Variants in ZNF684 observed in about 807,000 individuals in gnomAD.
ZNF684 encodes the protein hypothetical protein MGC27466.
In ZNF684, 13 loss-of-function variants were observed where a neutral mutation model predicts 12.8. That is an observed-to-expected ratio of 1.02 (90% CI 0.66 to 1.62). The LOEUF (loss-of-function observed/expected upper bound fraction) is 1.62. Among genes scored for constraint, ZNF684 ranks in the 40% most tolerant of loss-of-function variants. The pLI, the probability that ZNF684 is intolerant of heterozygous loss-of-function variation, is 0.00. For missense variants in ZNF684, 384 were observed against 446.9 expected (o/e 0.86, Z 1.27); for synonymous variants, 118 against 151.8 (o/e 0.78, Z 1.64).
chr1:40,533,111 T>G (rs1645966247), intron 1 of ZNF684, 32 bp from the exon 2 acceptor site: 1 of 1,594,734 alleles, frequency 6.3e-7, no homozygotes, highest in Non-Finnish European at 8.6e-7. Flanking sequence ...TCTCAGGTCT[T>G]TCTATTCTCT....
chr1:40,534,658 A>C (rs1259636424), intron 2 of ZNF684, among the ~76,000 whole-genome samples: 3 of 151,066 alleles, frequency 2.0e-5, no homozygotes. Context: ...CCTTTTTTTC[A>C]TTATCTCTTC....
chr1:40,535,136 T>G (rs2124506704), intron 2 of ZNF684, among the ~76,000 whole-genome samples: 1 of 152,336 alleles, frequency 6.6e-6, no homozygotes, highest in South Asian at 2.1e-4. Flanking sequence ...TCCTGCCCAA[T>G]ATTTATACCT....
rs375820217 is a variant in ZNF684 at position 40,541,732 on chromosome 1, G to A, written c.238+22G>A. Reference sequence around the variant, plus strand: ...CCAGGTGAGTGAGAGAAATTCAGATGGGGCTGTGTGGAGTTGAGATCCCCA... The same window carrying A: ...CCAGGTGAGTGAGAGAAATTCAGATAGGGCTGTGTGGAGTTGAGATCCCCA... On this transcript the variant is annotated intron_variant, in intron 4 of 4. Transcript: ENST00000372699. 4 of 1,592,010 alleles carry A rather than the reference G, an allele frequency of 2.5e-6. No homozygotes were observed. The African/African-American group carries it at 5.4e-5, about 21-fold the overall frequency.
At position 40,541,030 on chromosome 1, in the gene ZNF684, C is replaced by CAAA. The variant is rs57200329; in HGVS notation, c.142+337_142+339dup. Among the ~76,000 whole-genome samples the CAAA allele has an allele frequency of 4.2e-3, 332 of 79,358 alleles. 3 individuals are homozygous for CAAA. The highest frequency in any genetic ancestry group is 0.012 in the African/African-American group (298 of 24,542). The allele number at this position is 79,358 out of a possible 152,430, so 52.1% of individuals were successfully genotyped here. On this transcript the variant is annotated intron_variant, in intron 3 of 4. Transcript: ENST00000372699. ...TGGGTGACAGAGTGAGACCCTATCT[C>CAAA]AAAAAAAAAAAAAAAAAAAAATCGT... is the stretch of plus-strand genomic sequence containing the variant.
In ZNF684 at chr1:40,547,115, T is replaced by A; in HGVS notation, c.792T>A (p.Ser264=). 1 of 1,614,218 alleles carries A rather than the reference T, an allele frequency of 6.2e-7. No individual in the cohort carries two copies. Among genetic ancestry groups the A allele is most frequent in the African/African-American group, 1.3e-5 (1 of 75,050 alleles). Residue 264 remains serine (S), a synonymous_variant, in exon 5 of 5, where the codon TCT becomes TCA. Coordinates refer to ENST00000372699, the MANE Select transcript of ZNF684 (RefSeq NM_152373.4). ...WNSSFNQHVK[S]HTLEKSFECK... Reference sequence around the variant, plus strand: ...CCTCATTTAATCAACACGTGAAATCTCATACACTTGAGAAGTCATTTGAAT... The same window carrying A: ...CCTCATTTAATCAACACGTGAAATCACATACACTTGAGAAGTCATTTGAAT...
intron 2 of ZNF684, among the ~76,000 whole-genome samples, chr1:40,538,129 C>A (rs1303316709): frequency 6.6e-6 from 1 of 152,104 alleles, no homozygotes; most frequent in Non-Finnish European, 1.5e-5. Flanking sequence ...GTAGCTGGGA[C>A]TACAGGTCCA....
intron 3 of ZNF684, 185 bp from the exon 4 acceptor site, chr1:40,541,430 G>A (rs550047169): frequency 2.5e-5 from 11 of 443,904 alleles, no homozygotes; most frequent in East Asian, 1.3e-4. Context: ...TGATCCGCCC[G>A]CCTCAGCCTT....
chr1:40,533,848 C>T (rs1161309303), intron 2 of ZNF684, among the ~76,000 whole-genome samples: 1 of 119,700 alleles, frequency 8.4e-6, no homozygotes, highest in Non-Finnish European at 1.6e-5. Flanking sequence ...TTTTTTGAGA[C>T]AGTCTTGCTC....
At chr1:40,541,472 C>G (rs1054281739) in intron 3 of ZNF684, 143 bp from the exon 4 acceptor site, 4 of 593,818 alleles carry the variant, frequency 6.7e-6, no homozygotes, top group Non-Finnish European at 1.2e-5. Flanking sequence ...CGTGAGCCAC[C>G]GCGCCCAGCC....
chr1:40,533,431 G>A (rs1295885910), intron 2 of ZNF684, among the ~76,000 whole-genome samples: 1 of 152,160 alleles, frequency 6.6e-6, no homozygotes, highest in Non-Finnish European at 1.5e-5. Context: ...AAAAGTATTG[G>A]CATTGCTGTG....
At chr1:40,540,789 G>A (rs1646010340) in intron 3 of ZNF684, 77 bp downstream of exon 3, 17 of 1,343,150 alleles carry the variant, frequency 1.3e-5, no homozygotes, top group Admixed American at 2.7e-5. Flanking sequence ...ACTTGGGAAC[G>A]TTTGCCAATT....
At chr1:40,533,581 C>G (rs1344891970) in intron 2 of ZNF684, among the ~76,000 whole-genome samples, 1 of 152,198 alleles carries the variant, frequency 6.6e-6, no homozygotes, top group African/African-American at 2.4e-5. Flanking sequence ...AATACAGCAT[C>G]AGGTTTCCTA....
chr1:40,541,609 C>T lies in ZNF684; in HGVS notation c.143-6C>T. ...CCCCACTTCTATGCTGTTTTCCCAC[C>T]AACAGGATGTCCAATTACCAAAACA... On this transcript the variant is annotated splice_region_variant and splice_polypyrimidine_tract_variant and intron_variant, in intron 3 of 4. Coordinates refer to ENST00000372699, the MANE Select transcript of ZNF684 (RefSeq NM_152373.4). 1.9e-6 allele frequency: 3 copies of T among 1,611,688 alleles called. No individual in the cohort carries two copies. Among genetic ancestry groups the T allele is most frequent in the Non-Finnish European group, 2.5e-6 (3 of 1,178,612 alleles).
Position 40,547,015 on chromosome 1 carries a change from T to TGGTC in ZNF684, c.693_696dup (p.His233GlyfsTer13). 1 of 1,614,138 alleles carries TGGTC rather than the reference T, an allele frequency of 6.2e-7. No individual in the cohort carries two copies. Among genetic ancestry groups the TGGTC allele is most frequent in the Non-Finnish European group, 8.5e-7 (1 of 1,179,986 alleles). On this transcript the variant is annotated frameshift_variant, in exon 5 of 5. Transcript: ENST00000372699. LOFTEE classifies it low-confidence loss of function (END_TRUNC). ...GCGTTTATGCATAAAGCCCAACTCG[T>TGGTC]GGTCCACCAGAGACTTCACACTGGA...
chr1:40,540,400 G>C (rs569529858), intron 2 of ZNF684, among the ~76,000 whole-genome samples, 186 bp from the exon 3 acceptor site: 34 of 152,216 alleles, frequency 2.2e-4, no homozygotes, highest in African/African-American at 8.2e-4. Context: ...GGCACCAGTT[G>C]GATATGTTTA....
chr1:40,545,945 A>T (rs1433762007), intron 4 of ZNF684, among the ~76,000 whole-genome samples: 19 of 92,282 alleles, frequency 2.1e-4, no homozygotes, highest in African/African-American at 6.6e-4. Context: ...TTTTTTGGAG[A>T]TGGAGTCTCG....
At chr1:40,534,122 C>T (rs765503958) in intron 2 of ZNF684, among the ~76,000 whole-genome samples, 4 of 151,702 alleles carry the variant, frequency 2.6e-5, no homozygotes, top group Non-Finnish European at 4.4e-5. Flanking sequence ...CCACTGCGCC[C>T]GGCCAGATAT....
chr1:40,540,224 T>C (rs1298283591), intron 2 of ZNF684, among the ~76,000 whole-genome samples: 1 of 152,248 alleles, frequency 6.6e-6, no homozygotes, highest in African/African-American at 2.4e-5. Flanking sequence ...TTCTAACTGT[T>C]TGATAGCTTT....
In ZNF684 at chr1:40,547,687, A is replaced by G. The variant is rs554750040; in HGVS notation, c.*227A>G. ...AGAGCATAAAGCTTGGAAAGTAAGC[A>G]TAACTTAAAAAATCAAAGAACCAGT... On this transcript the variant is annotated 3_prime_UTR_variant, in exon 5 of 5. Transcript: ENST00000372699. 3.0e-6 allele frequency: 1 copy of G among 332,806 alleles called. No individual in the cohort carries two copies. Among genetic ancestry groups the G allele is most frequent in the African/African-American group, 2.1e-5 (1 of 46,918 alleles). The allele number at this position is 332,806 out of a possible 1,614,324, so 20.6% of individuals were successfully genotyped here. A position where few individuals can be genotyped will look rare whatever the true frequency, so the allele number is the denominator to read the frequency against.
Sources: gnomAD v4.1 joint callset for allele counts (sites outside exome capture counted in the v4.1 genomes callset) on GRCh38, gnomAD v4.1.1 for gene constraint, MANE v1.5 for transcripts, NCBI Gene and HGNC (gene_info 2026-07-23, HGNC 2026-07-21) for gene names.